Variants in SND1 observed in about 807,000 individuals in gnomAD.
SND1 encodes staphylococcal nuclease and tudor domain containing 1, also known as staphylococcal nuclease domain-containing protein 1.
Under a neutral mutation model 121.7 loss-of-function variants are expected in SND1, and 38 were observed. The observed-to-expected ratio is 0.31, with a 90% confidence interval of 0.24 to 0.41. The LOEUF is 0.41. Among genes scored for constraint, SND1 ranks in the 10% least tolerant of loss-of-function variants. The pLI is 1.00. For synonymous variants in SND1, 401 were observed against 447.4 expected, an observed-to-expected ratio of 0.90 and a Z score of 1.31; for missense variants, 868 against 1,184.6, an observed-to-expected ratio of 0.73 and a Z score of 3.92.
rs571219730 is a variant in SND1 at position 128,052,424 on chromosome 7, G to A, written c.1780-22078G>A. 4.6e-5 allele frequency among the ~76,000 whole-genome samples: 7 copies of A among 152,224 alleles called. No homozygotes were observed. The highest frequency in any genetic ancestry group is 2.1e-4 in the South Asian group (1 of 4,822). The stretch of plus-strand genomic sequence containing the variant: ...CTTCATTGCCACAGCTTGTCTTCCC[G>A]CCCAGGAAAGGGTATTTGGAAGAAG... On this transcript the variant is annotated intron_variant, in intron 16 of 23. Transcript: ENST00000354725. This position sits in a 1 kb window ranked among gnomAD's most constrained non-coding sequence, Gnocchi z 4.6.
intron 10 of SND1, among the ~76,000 whole-genome samples, chr7:127,783,405 G>A (rs1389645179): frequency 6.6e-6 from 1 of 152,212 alleles, no homozygotes; most frequent in Non-Finnish European, 1.5e-5. Flanking sequence ...GCAGGATTCT[G>A]TGATTCTTTT....
intron 11 of SND1, among the ~76,000 whole-genome samples, chr7:127,821,120 T>G (rs1798539378): frequency 6.6e-6 from 1 of 152,218 alleles, no homozygotes; most frequent in Non-Finnish European, 1.5e-5. Context: ...CTTCTTTAAC[T>G]GTCATTTTCC....
At chr7:127,809,374 G>A (rs1798294441) in intron 11 of SND1, among the ~76,000 whole-genome samples, 1 of 152,134 alleles carries the variant, frequency 6.6e-6, no homozygotes. Context: ...ACTCAGCTCT[G>A]CTGGGCTGGA....
chr7:127,751,038 T>C (rs1259650688), intron 10 of SND1, among the ~76,000 whole-genome samples: 2 of 152,218 alleles, frequency 1.3e-5, no homozygotes, highest in Admixed American at 6.5e-5. Context: ...CTGATGGCTC[T>C]GAAGAGGTAG....
chr7:128,073,980 C>T (rs1212867826), intron 16 of SND1, among the ~76,000 whole-genome samples: 2 of 152,186 alleles, frequency 1.3e-5, no homozygotes, highest in East Asian at 1.9e-4. Context: ...TTCCTGCCCG[C>T]GTCTTTCTGC....
chr7:128,084,865 G>C lies in SND1; in HGVS notation c.2234+18G>C. 6.3e-7 allele frequency: 1 copy of C among 1,583,802 alleles called. No homozygotes were observed. Among genetic ancestry groups the C allele is most frequent in the Non-Finnish European group, 8.6e-7 (1 of 1,159,670 alleles). On this transcript the variant is annotated intron_variant, in intron 19 of 23. Coordinates refer to ENST00000354725, the MANE Select transcript of SND1 (RefSeq NM_014390.4). ...GGAGAATGGTAAGCCACTTGGAAAA[G>C]CAAGGCAGAGTCTTGAGCAGGAACG...
chr7:127,976,052 C>A (rs950790792), intron 15 of SND1, among the ~76,000 whole-genome samples: 1 of 152,214 alleles, frequency 6.6e-6, no homozygotes, highest in Non-Finnish European at 1.5e-5. Flanking sequence ...CCTTTCCTCT[C>A]TTATTCCCCA....
At chr7:128,047,993 GC>G (rs1387808242) in intron 16 of SND1, among the ~76,000 whole-genome samples, 14 of 151,858 alleles carry the variant, frequency 9.2e-5, no homozygotes, top group Non-Finnish European at 1.5e-4. Context: ...GACTACAGGC[GC>G]CCACCATCAT....
In SND1 at chr7:128,084,753, A is replaced by C. The variant is rs1382829877; in HGVS notation, c.2140A>C (p.Met714Leu). 6.2e-7 allele frequency: 1 copy of C among 1,609,414 alleles called. No individual in the cohort carries two copies. Among genetic ancestry groups the C allele is most frequent in the Admixed American group, 1.7e-5 (1 of 59,572 alleles). ...CCAGTTGGAGAAGCTGATGGAGAAC[A>C]TGCGCAATGACATTGCCAGTCACCC... is the stretch of plus-strand genomic sequence containing the variant. ...GTQLEKLMEN[M>L]RNDIASHPPV... The change falls in exon 19 of 24, where the codon ATG becomes CTG. Residue 714 changes from methionine to leucine, a missense_variant. Physicochemically the swap from Met to Leu is conservative, Grantham distance 15. Around this residue, in one of 2 missense-constraint regions of SND1, gnomAD observed 743 missense variants for 1,071.3 expected, o/e 0.69. Coordinates refer to ENST00000354725, the MANE Select transcript of SND1 (RefSeq NM_014390.4).
chr7:127,788,022 T>C (rs1401989671), intron 10 of SND1, among the ~76,000 whole-genome samples: 1 of 152,202 alleles, frequency 6.6e-6, no homozygotes, highest in Non-Finnish European at 1.5e-5. Flanking sequence ...CGGGTGCTGC[T>C]TTGATTTCTC....
intron 1 of SND1, among the ~76,000 whole-genome samples, chr7:127,683,165 G>A (rs1455641528): frequency 6.6e-6 from 1 of 152,126 alleles, no homozygotes; most frequent in Non-Finnish European, 1.5e-5. Flanking sequence ...GTTTAACAGT[G>A]GTTGGCAGAT....
rs60805384 is a variant in SND1 at position 127,929,208 on chromosome 7, G to A, written c.1548G>A (p.Gln516=). The A allele has an allele frequency of 3.0e-3, 4,838 of 1,614,104 alleles. 157 individuals are homozygous for A. The African/African-American group carries it at 0.057, about 19-fold the overall frequency. The change falls in exon 15 of 24, where the codon CAG becomes CAA. Residue 516 remains glutamine (Q), a synonymous_variant. Transcript: ENST00000354725. ...ATCAGGATACCCAAAAAGCAAAGCA[G>A]TTCCTGCCTTTTCTTCAGCGGGCAG... ...DISGDTQKAK[Q]FLPFLQRAGR...
intron 15 of SND1, among the ~76,000 whole-genome samples, chr7:127,944,256 A>G (rs912073197): frequency 6.6e-6 from 1 of 152,236 alleles, no homozygotes; most frequent in Admixed American, 6.5e-5. Flanking sequence ...GCTCTGGGCC[A>G]GGACTTGGTA....
chr7:127,823,132 A>T (rs1395565995), intron 11 of SND1, among the ~76,000 whole-genome samples: 2 of 152,198 alleles, frequency 1.3e-5, no homozygotes, highest in African/African-American at 2.4e-5. Context: ...ACAGAAGGGG[A>T]TGAGCAAAGT....
intron 14 of SND1, among the ~76,000 whole-genome samples, chr7:127,907,670 T>C (rs1166154905): frequency 2.0e-5 from 3 of 152,294 alleles, no homozygotes; most frequent in East Asian, 3.9e-4. Flanking sequence ...GAAAAAGACA[T>C]GCTTAAGTGC....
At chr7:128,036,584 G>T (rs1792754978) in intron 16 of SND1, among the ~76,000 whole-genome samples, 1 of 152,176 alleles carries the variant, frequency 6.6e-6, no homozygotes, top group South Asian at 2.1e-4. Flanking sequence ...AAAAACCTTG[G>T]CTAAGAAAAG....
At position 127,704,861 on chromosome 7, in the gene SND1, T is replaced by G. The variant is rs759638075; in HGVS notation, c.863T>G (p.Leu288Arg). Residue 288 changes from leucine (L) to arginine (R), a missense_variant, in exon 8 of 24, where the codon CTC becomes CGC. Transcript: ENST00000354725. Reference sequence around the variant, plus strand: ...CAGAATGGCAACATCACAGAGCTCCTCCTGAAGGAAGGTTTCGCACGCTGT... The same window carrying G: ...CAGAATGGCAACATCACAGAGCTCCGCCTGAAGGAAGGTTTCGCACGCTGT... ...LHPNGNITEL[L>R]LKEGFARCVD... 6.2e-7 allele frequency: 1 copy of G among 1,614,008 alleles called. No homozygotes were observed. Among genetic ancestry groups the G allele is most frequent in the Non-Finnish European group, 8.5e-7 (1 of 1,179,932 alleles).
intron 16 of SND1, chr7:128,031,163 G>A (rs910527343): frequency 1.3e-5 from 2 of 152,618 alleles, no homozygotes; most frequent in Non-Finnish European, 1.5e-5. Context: ...GCCAAGGCCC[G>A]GCGGGCTATG....
Position 127,686,623 on chromosome 7 carries a change from G to C in SND1, c.89G>C (p.Gly30Ala). 2 of 1,613,852 alleles carry C rather than the reference G, an allele frequency of 1.2e-6. No homozygotes were observed. The highest frequency in any genetic ancestry group is 8.5e-7 in the Non-Finnish European group (1 of 1,179,894). Residue 30 changes from glycine (G) to alanine (A), a missense_variant, in exon 2 of 24, where the codon GGG becomes GCG. Around this residue, in one of 2 missense-constraint regions of SND1, gnomAD observed 125 missense variants for 113.3 expected, o/e 1.10. Transcript: ENST00000354725. ...QRGIIKMVLS[G>A]CAIIVRGQPR... Reference sequence around the variant, plus strand: ...CTTCCCCCTACGTAGGTCCTCTCAGGGTGCGCCATCATTGTCCGAGGTCAG... The same window carrying C: ...CTTCCCCCTACGTAGGTCCTCTCAGCGTGCGCCATCATTGTCCGAGGTCAG...
Sources: gnomAD v4.1 joint callset for allele counts (sites outside exome capture counted in the v4.1 genomes callset) on GRCh38, gnomAD v4.1.1 for gene constraint, gnomAD v4.1.1 regional missense constraint, Gnocchi (gnomAD v3.1) non-coding constraint, MANE v1.5 for transcripts, NCBI Gene and HGNC (gene_info 2026-07-23, HGNC 2026-07-21) for gene names.